The following CDH12 variants were observed in gnomAD, a reference collection of about 807,000 sequenced individuals.
CDH12 encodes the protein cadherin 12.
A neutral mutation model predicts 74.1 loss-of-function variants in CDH12; 41 were observed. That is an observed-to-expected ratio of 0.55 (90% CI 0.43 to 0.72). The LOEUF (loss-of-function observed/expected upper bound fraction) is 0.72, where lower values mean the gene tolerates loss of function less well. Ranked by LOEUF, CDH12 falls within the 30% of genes least tolerant of loss-of-function variation. CDH12 has a pLI of 0.00. For missense variants in CDH12, 945 were observed against 977.2 expected (o/e 0.97, Z 0.44); for synonymous variants, 399 against 355.0 (o/e 1.12, Z -1.39).
chr5:22,246,915 T>C (rs1752965156), intron 3 of CDH12, among the ~76,000 whole-genome samples: 1 of 152,194 alleles, frequency 6.6e-6, no homozygotes, highest in African/African-American at 2.4e-5. Flanking sequence ...ATTAACAAAG[T>C]TGGCATTGTT....
At chr5:22,425,170 T>TAAATATATATATATAA (rs1554039888) in intron 2 of CDH12, among the ~76,000 whole-genome samples, 6 of 100,698 alleles carry the variant, frequency 6.0e-5, no homozygotes, top group South Asian at 3.1e-4. Flanking sequence ...TATATATATA[T>TAAATATATATATATAA]AAATATATAT....
At chr5:22,650,275 T>C (rs955693193) in intron 1 of CDH12, among the ~76,000 whole-genome samples, 1 of 151,998 alleles carries the variant, frequency 6.6e-6, no homozygotes, top group Non-Finnish European at 1.5e-5. Flanking sequence ...GGAGGGTTTG[T>C]TTCATTTCCT....
At chr5:22,032,786 C>T (rs1007389228) in intron 5 of CDH12, among the ~76,000 whole-genome samples, 1 of 138,376 alleles carries the variant, frequency 7.2e-6, no homozygotes, top group African/African-American at 2.8e-5. Context: ...TATATGCATA[C>T]ATATTTATAT....
At chr5:22,148,749 G>A (rs1250317441) in intron 4 of CDH12, among the ~76,000 whole-genome samples, 1 of 152,076 alleles carries the variant, frequency 6.6e-6, no homozygotes, top group African/African-American at 2.4e-5. Context: ...CTCCAACTCT[G>A]TCATTGAATG....
chr5:22,415,965 A>G (rs1208784453), intron 2 of CDH12, among the ~76,000 whole-genome samples: 1 of 151,770 alleles, frequency 6.6e-6, no homozygotes, highest in Non-Finnish European at 1.5e-5. Flanking sequence ...AGATTTGCTA[A>G]ATGGTGACCC....
intron 6 of CDH12, chr5:21,883,678 AC>A (rs1403527988): frequency 5.6e-6 from 9 of 1,611,792 alleles, no homozygotes; most frequent in Non-Finnish European, 7.6e-6. Flanking sequence ...GGAAAAGGTG[AC>A]AAGGCTCAAC....
intron 3 of CDH12, among the ~76,000 whole-genome samples, chr5:22,274,450 A>C (rs1480084734): frequency 6.6e-6 from 1 of 152,138 alleles, no homozygotes; most frequent in African/African-American, 2.4e-5. Context: ...ATAAATGATG[A>C]CTGAAGTCTT....
At chr5:22,005,263 G>A (rs1257548285) in intron 5 of CDH12, among the ~76,000 whole-genome samples, 8 of 152,094 alleles carry the variant, frequency 5.3e-5, no homozygotes, top group Admixed American at 3.3e-4. Flanking sequence ...GGCTGATCTC[G>A]AACTCCTGAC....
At chr5:22,508,311 T>TTAACCTTG (rs1458841063) in intron 1 of CDH12, among the ~76,000 whole-genome samples, 6 of 152,168 alleles carry the variant, frequency 3.9e-5, no homozygotes, top group Non-Finnish European at 5.9e-5. Context: ...TGGGTTTTAT[T>TTAACCTTG]TAACCTTGTA....
chr5:22,187,812 T>C (rs1374531148), intron 4 of CDH12, among the ~76,000 whole-genome samples: 1 of 152,132 alleles, frequency 6.6e-6, no homozygotes, highest in Non-Finnish European at 1.5e-5. Flanking sequence ...CCACTTGAAT[T>C]GGTAAGTTGC....
chr5:22,194,057 G>A (rs1483010759), intron 4 of CDH12, among the ~76,000 whole-genome samples: 1 of 152,140 alleles, frequency 6.6e-6, no homozygotes, highest in Non-Finnish European at 1.5e-5. Context: ...CAAAACCCAG[G>A]ATGGAGTCTA....
chr5:22,217,800 G>GA (rs968293937), intron 3 of CDH12, among the ~76,000 whole-genome samples: 8 of 151,238 alleles, frequency 5.3e-5, no homozygotes, highest in South Asian at 4.2e-4. Context: ...TTGCTCAATA[G>GA]AAAAAAAATG....
At chr5:22,666,103 G>C (rs1740598964) in intron 1 of CDH12, among the ~76,000 whole-genome samples, 1 of 151,912 alleles carries the variant, frequency 6.6e-6, no homozygotes, top group Non-Finnish European at 1.5e-5. Flanking sequence ...TGCCAAACAT[G>C]TTATTTATTC....
chr5:22,355,905 G>A (rs576121152), intron 3 of CDH12, among the ~76,000 whole-genome samples: 1 of 152,286 alleles, frequency 6.6e-6, no homozygotes, highest in Admixed American at 6.5e-5. Context: ...TAAAGGCACA[G>A]AAATAATCTT....
At chr5:22,061,826 T>A (rs1314473039) in intron 5 of CDH12, among the ~76,000 whole-genome samples, 1 of 152,182 alleles carries the variant, frequency 6.6e-6, no homozygotes, top group African/African-American at 2.4e-5. Context: ...ATATAACTTG[T>A]ACTATGTGAC....
intron 1 of CDH12, among the ~76,000 whole-genome samples, chr5:22,535,890 A>T (rs1011473213): frequency 4.6e-5 from 7 of 152,206 alleles, no homozygotes; most frequent in African/African-American, 7.2e-5. Context: ...AATATTTTTT[A>T]AAAAATTGCG....
At chr5:21,776,562 C>T (rs1745600288) in intron 11 of CDH12, among the ~76,000 whole-genome samples, 1 of 152,122 alleles carries the variant, frequency 6.6e-6, no homozygotes, top group Non-Finnish European at 1.5e-5. Flanking sequence ...TGATCCACTT[C>T]CGATTACCAG....
At chr5:21,765,215 C>A in intron 11 of CDH12, 116 bp from the exon 12 acceptor site, 2 of 824,240 alleles carry the variant, frequency 2.4e-6, no homozygotes, top group Non-Finnish European at 3.4e-6. Flanking sequence ...GAAAAAAAAT[C>A]CTTCTTATAG....
intron 1 of CDH12, among the ~76,000 whole-genome samples, chr5:22,617,315 C>T (rs2126834805): frequency 6.6e-6 from 1 of 152,226 alleles, no homozygotes; most frequent in South Asian, 2.1e-4. Context: ...TGATGTTAGA[C>T]TTCCCAGCCT....
Sources: gnomAD v4.1 joint callset for allele counts (sites outside exome capture counted in the v4.1 genomes callset) on GRCh38, gnomAD v4.1.1 for gene constraint, MANE v1.5 for transcripts, NCBI Gene and HGNC (gene_info 2026-07-23, HGNC 2026-07-21) for gene names.